The following CEP128 variants were observed in gnomAD, a reference collection of about 807,000 sequenced individuals.
CEP128 encodes centrosomal protein 128, also known as centrosomal protein 128kDa.
Under a neutral mutation model 156.7 loss-of-function variants are expected in CEP128, and 132 were observed. The observed-to-expected ratio is 0.84, with a 90% CI of 0.73 to 0.97. The LOEUF is 0.97. CEP128 is among the 50% of genes least tolerant of loss of function. The pLI, the probability that CEP128 is intolerant of heterozygous loss-of-function variation, is 0.00. For missense variants in CEP128, 1,252 were observed against 1,281.9 expected, an observed-to-expected ratio of 0.98 and a Z score of 0.36; for synonymous variants, 469 against 448.9, an observed-to-expected ratio of 1.04 and a Z score of -0.57.
At chr14:80,606,664 T>G (rs912884103) in intron 19 of CEP128, among the ~76,000 whole-genome samples, 1 of 152,134 alleles carries the variant, frequency 6.6e-6, no homozygotes, top group African/African-American at 2.4e-5. Flanking sequence ...GGAAACAGAA[T>G]GTACTGTACT....
intron 8 of CEP128, among the ~76,000 whole-genome samples, chr14:80,882,111 A>T (rs368663418): frequency 6.6e-6 from 1 of 152,194 alleles, no homozygotes; most frequent in Non-Finnish European, 1.5e-5. Context: ...AAGCTTCTGT[A>T]CAGCAAAGGA....
At chr14:80,503,788 G>A (rs1042106265) in intron 24 of CEP128, among the ~76,000 whole-genome samples, 2 of 152,150 alleles carry the variant, frequency 1.3e-5, no homozygotes, top group African/African-American at 2.4e-5. Flanking sequence ...CTTGGCTTAT[G>A]TAGATACAAA....
chr14:80,793,023 A>G lies in CEP128; in HGVS notation c.1297T>C (p.Cys433Arg). Reference protein sequence around the residue: ...LKEIQNHFDTCEAERKHADLQ... With the variant: ...LKEIQNHFDTREAERKHADLQ... ...TCAGCATGCTTACGCTCGGCCTCAC[A>G]TGTGTCAAAGTGATTCTGGATCTCC... Residue 433 changes from cysteine to arginine, a missense_variant, in exon 14 of 25, where the codon TGT (cysteine) becomes CGT (arginine). Transcript: ENST00000555265. The G allele has an allele frequency of 1.1e-5, 17 of 1,614,204 alleles. No individual in the cohort carries two copies. The highest frequency in any genetic ancestry group is 1.4e-5 in the Non-Finnish European group (17 of 1,180,030).
chr14:80,637,366 A>G (rs1287743318), intron 19 of CEP128, among the ~76,000 whole-genome samples: 3 of 152,160 alleles, frequency 2.0e-5, no homozygotes, highest in Non-Finnish European at 4.4e-5. Flanking sequence ...TAAAAGTAGA[A>G]AAGAGAAGCA....
In CEP128 at chr14:80,606,123, T is replaced by TA. The variant is rs199833478; in HGVS notation, c.2807-25701dup. Among the ~76,000 whole-genome samples the TA allele has an allele frequency of 5.6e-3, 856 of 152,146 alleles. 6 individuals carry two copies. The highest frequency in any genetic ancestry group is 0.02 in the African/African-American group (817 of 41,566). On this transcript the variant is annotated intron_variant, in intron 19 of 24. Coordinates refer to ENST00000555265, the MANE Select transcript of CEP128 (RefSeq NM_152446.5). ...TTTAATTAGTAGCTTTTGCTAAACATAAAAAAATCCTCAAGTAATTTTTAA... is the reference window on the plus strand; with the variant it reads ...TTTAATTAGTAGCTTTTGCTAAACATAAAAAAAATCCTCAAGTAATTTTTAA...
chr14:80,482,931 T>G (rs891141516), intron 14 of CEP128, among the ~76,000 whole-genome samples: 1 of 152,174 alleles, frequency 6.6e-6, no homozygotes, highest in African/African-American at 2.4e-5. Context: ...GCCAAATATC[T>G]TAAAATAAAG....
chr14:80,888,681 T>C (rs1247253253), intron 8 of CEP128, among the ~76,000 whole-genome samples: 2 of 152,184 alleles, frequency 1.3e-5, no homozygotes, highest in African/African-American at 4.8e-5. Context: ...TCATACTGAA[T>C]TGGCAAAAGC....
At chr14:80,720,144 G>C (rs1897760561) in intron 19 of CEP128, among the ~76,000 whole-genome samples, 1 of 152,106 alleles carries the variant, frequency 6.6e-6, no homozygotes, top group Admixed American at 6.6e-5. Flanking sequence ...AAACTACTGT[G>C]ACACCTGTGA....
At chr14:80,823,051 G>A (rs1272003427) in intron 13 of CEP128, among the ~76,000 whole-genome samples, 2 of 152,200 alleles carry the variant, frequency 1.3e-5, no homozygotes, top group African/African-American at 2.4e-5. Context: ...CCCAGGAGGA[G>A]GGATTCCCTG....
intron 14 of CEP128, among the ~76,000 whole-genome samples, chr14:80,787,861 T>C (rs772482443): frequency 6.6e-6 from 1 of 152,196 alleles, no homozygotes. Flanking sequence ...AGCAAAGATA[T>C]TTCTTTTTCA....
chr14:80,810,223 T>TGAGGC (rs2139937439), intron 13 of CEP128, among the ~76,000 whole-genome samples: 1 of 144,796 alleles, frequency 6.9e-6, no homozygotes, highest in Non-Finnish European at 1.5e-5. Flanking sequence ...CTCGGGAGGC[T>TGAGGC]GAGGCAAGAG....
intron 16 of CEP128, among the ~76,000 whole-genome samples, chr14:80,771,257 A>G (rs768075656): frequency 7.2e-5 from 11 of 152,230 alleles, no homozygotes; most frequent in South Asian, 2.1e-4. Context: ...TTCAATGCTA[A>G]GAGTTCAATG....
At chr14:80,637,456 AT>A (rs1894232853) in intron 19 of CEP128, among the ~76,000 whole-genome samples, 1 of 152,164 alleles carries the variant, frequency 6.6e-6, no homozygotes, top group Non-Finnish European at 1.5e-5. Flanking sequence ...CATTTTCTCA[AT>A]TTTCATCTCA....
chr14:80,851,700 G>A (rs944902217), intron 9 of CEP128, among the ~76,000 whole-genome samples: 24 of 151,758 alleles, frequency 1.6e-4, no homozygotes, highest in African/African-American at 5.6e-4. Context: ...AATAATCGCA[G>A]TAAGTATAAA....
At chr14:80,496,438 CT>C (rs2140165422), downstream of CEP128, 1 of 152,706 alleles carries the variant, frequency 6.5e-6, no homozygotes, top group South Asian at 2.1e-4. Context: ...AATGTGAGAA[CT>C]CTTAATGAGC....
At chr14:80,831,118 T>C in intron 13 of CEP128, 25 bp downstream of exon 13, 2 of 1,604,916 alleles carry the variant, frequency 1.2e-6, no homozygotes, top group Non-Finnish European at 1.7e-6. Flanking sequence ...ATATTTCGAA[T>C]ATGACTTAAA....
intron 24 of CEP128, among the ~76,000 whole-genome samples, chr14:80,504,318 G>A (rs1226108449): frequency 6.6e-6 from 1 of 152,020 alleles, no homozygotes; most frequent in African/African-American, 2.4e-5. Flanking sequence ...TCATAACAGA[G>A]ACTACACTTC....
At chr14:80,847,789 T>G (rs902488857) in intron 9 of CEP128, among the ~76,000 whole-genome samples, 2 of 152,218 alleles carry the variant, frequency 1.3e-5, no homozygotes, top group Admixed American at 6.5e-5. Flanking sequence ...AGTTAACATC[T>G]CTATTTCCTC....
chr14:80,643,470 A>C (rs1175471792), intron 19 of CEP128, among the ~76,000 whole-genome samples: 1 of 152,080 alleles, frequency 6.6e-6, no homozygotes, highest in Non-Finnish European at 1.5e-5. Context: ...TGTAATCCCA[A>C]CACTTTGGGA....
Sources: gnomAD v4.1 joint callset for allele counts (sites outside exome capture counted in the v4.1 genomes callset) on GRCh38, gnomAD v4.1.1 for gene constraint, MANE v1.5 for transcripts, NCBI Gene and HGNC (gene_info 2026-07-23, HGNC 2026-07-21) for gene names.